CHCHD6: variants seen among roughly 807,000 people sequenced by gnomAD.
CHCHD6 encodes the protein coiled-coil-helix-coiled-coil-helix domain containing 6.
A neutral mutation model predicts 32.3 loss-of-function variants in CHCHD6; 28 were observed. That is an observed-to-expected ratio of 0.87 (90% CI 0.64 to 1.19). The LOEUF is 1.19. CHCHD6 is among the 50% of genes most tolerant of loss of function. The pLI is 0.00. For synonymous variants in CHCHD6, 122 were observed against 117.5 expected (o/e 1.04, Z -0.25); for missense variants, 333 against 307.0 (o/e 1.08, Z -0.63).
At chr3:126,899,105 C>G (rs867346732) in intron 5 of CHCHD6, among the ~76,000 whole-genome samples, 1 of 152,202 alleles carries the variant, frequency 6.6e-6, no homozygotes, top group Non-Finnish European at 1.5e-5. Context: ...GACTGCGTAG[C>G]TCAGGTTTAC....
intron 4 of CHCHD6, among the ~76,000 whole-genome samples, chr3:126,758,201 T>C (rs574886279): frequency 6.6e-6 from 1 of 152,368 alleles, no homozygotes; most frequent in South Asian, 2.1e-4. Context: ...TTCTGGTGTA[T>C]TGACAATCTT....
At chr3:126,858,301 C>CG (rs1941733103) in intron 5 of CHCHD6, among the ~76,000 whole-genome samples, 2 of 956 alleles carry the variant, frequency 2.1e-3, no homozygotes, top group Non-Finnish European at 4.8e-3. Flanking sequence ...GTGGCAGGGG[C>CG]GGGGGCGGGG....
chr3:126,732,928 G>A (rs1393023514), intron 3 of CHCHD6, 150 bp from the exon 4 acceptor site: 9 of 736,862 alleles, frequency 1.2e-5, no homozygotes, highest in Admixed American at 5.2e-5. Context: ...TGGGGCATGC[G>A]GTTTCACAGC....
chr3:126,861,480 G>A (rs2107557367), intron 5 of CHCHD6, among the ~76,000 whole-genome samples: 1 of 151,790 alleles, frequency 6.6e-6, no homozygotes, highest in East Asian at 1.9e-4. Context: ...CTTCATAAAA[G>A]ATTTCCATTC....
At chr3:126,714,373 C>T (rs556062457) in intron 1 of CHCHD6, among the ~76,000 whole-genome samples, 19 of 152,224 alleles carry the variant, frequency 1.2e-4, no homozygotes, top group African/African-American at 4.1e-4. Context: ...AGGAGGTCTC[C>T]GAGGGCTCTT....
chr3:126,934,283 A>C (rs2078446032), intron 6 of CHCHD6, among the ~76,000 whole-genome samples: 1 of 152,190 alleles, frequency 6.6e-6, no homozygotes, highest in South Asian at 2.1e-4. Flanking sequence ...TGCCTTCCAG[A>C]CTTTTCTATG....
chr3:126,838,442 C>T (rs1446174101), intron 4 of CHCHD6, among the ~76,000 whole-genome samples: 1 of 152,170 alleles, frequency 6.6e-6, no homozygotes, highest in Non-Finnish European at 1.5e-5. Flanking sequence ...GTCAACAATG[C>T]CTGTTCAGCT....
rs1487968327 is a variant in CHCHD6 at position 126,720,401 on chromosome 3, C to T, written c.88-6677C>T. Among the ~76,000 whole-genome samples the T allele has an allele frequency of 6.2e-4, 94 of 152,312 alleles. 1 individual carries two copies. The highest frequency in any genetic ancestry group is 6.1e-3 in the Admixed American group (94 of 15,302). ...ACCGGGGCTTCTAGTCCCTCAGGGG[C>T]CTGGTGCATTCCCACAGGGTCCACT... On this transcript the variant is annotated intron_variant, in intron 1 of 7. Transcript: ENST00000290913.
rs1000961618 is a variant in CHCHD6, at chr3:126,745,809, T to A, written c.411+12587T>A. On this transcript the variant is annotated intron_variant, in intron 4 of 7. Coordinates refer to ENST00000290913, the MANE Select transcript of CHCHD6 (RefSeq NM_032343.3). The stretch of plus-strand genomic sequence containing the variant: ...GTGCTTGGAGAGGAGATACAGCTAT[T>A]CAGGGCTGCTGTCTCTGGGCTTGCA... Among the ~76,000 whole-genome samples the A allele has an allele frequency of 2.0e-5, 3 of 152,328 alleles. 1 individual carries two copies.
chr3:126,914,852 C>T (rs2078146928), intron 6 of CHCHD6, 102 bp downstream of exon 6: 3 of 720,094 alleles, frequency 4.2e-6, no homozygotes, highest in Non-Finnish European at 7.6e-6. Flanking sequence ...TCAAGTTTCC[C>T]TAATAATACA....
At position 126,890,364 on chromosome 3, in the gene CHCHD6, A is replaced by G. The variant is rs137854972; in HGVS notation, c.496-24316A>G. 6.1e-3 allele frequency among the ~76,000 whole-genome samples: 933 copies of G among 152,266 alleles called. 9 individuals carry two copies. Among genetic ancestry groups the G allele is most frequent in the African/African-American group, 0.021 (892 of 41,548 alleles). On this transcript the variant is annotated intron_variant, in intron 5 of 7. Transcript: ENST00000290913. ...TCCCTCAAGGCTCGGTGACACAGGC[A>G]CACAAGGTCCCTTGGTTTTCGCTTG...
At chr3:126,814,312 A>C (rs1350942437) in intron 4 of CHCHD6, among the ~76,000 whole-genome samples, 1 of 152,196 alleles carries the variant, frequency 6.6e-6, no homozygotes, top group Admixed American at 6.5e-5. Flanking sequence ...TGAATATGAT[A>C]TTTTGAAATA....
intron 6 of CHCHD6, among the ~76,000 whole-genome samples, chr3:126,955,988 G>A (rs997438020): frequency 6.6e-5 from 10 of 152,186 alleles, no homozygotes; most frequent in Non-Finnish European, 1.0e-4. Flanking sequence ...GTGTCCACCC[G>A]CAGACTTCCA....
At chr3:126,819,720 A>C (rs1325165934) in intron 4 of CHCHD6, among the ~76,000 whole-genome samples, 1 of 152,238 alleles carries the variant, frequency 6.6e-6, no homozygotes, top group Non-Finnish European at 1.5e-5. Context: ...GTCTGGCTGC[A>C]TGTCAGCATT....
intron 4 of CHCHD6, among the ~76,000 whole-genome samples, chr3:126,782,269 T>C (rs929386157): frequency 4.6e-5 from 7 of 152,222 alleles, no homozygotes; most frequent in Non-Finnish European, 8.8e-5. Flanking sequence ...TGTGCTCTGT[T>C]CTTACTCTTG....
chr3:126,918,410 G>A (rs898246712), intron 6 of CHCHD6, among the ~76,000 whole-genome samples: 1 of 152,164 alleles, frequency 6.6e-6, no homozygotes, highest in Non-Finnish European at 1.5e-5. Context: ...CTAGGCCCTG[G>A]GGACACAGTG....
intron 4 of CHCHD6, among the ~76,000 whole-genome samples, chr3:126,776,667 T>C (rs1488421564): frequency 6.6e-6 from 1 of 152,232 alleles, no homozygotes; most frequent in South Asian, 2.1e-4. Flanking sequence ...ATATAATCAT[T>C]TAATTCTCAT....
intron 6 of CHCHD6, among the ~76,000 whole-genome samples, chr3:126,952,478 G>A (rs561516039): frequency 1.7e-4 from 26 of 152,338 alleles, no homozygotes; most frequent in Admixed American, 3.9e-4. Flanking sequence ...GGCCACAGGT[G>A]GAGCTCGCAC....
rs1038602750 is a variant in CHCHD6, at chr3:126,928,828, G to A, written c.566+14078G>A. Reference sequence around the variant, plus strand: ...TGGCATCCCTGAAACTGCAGGCCCCGTAGCTGGATGGACCCTCAGAGTCAT... The same window carrying A: ...TGGCATCCCTGAAACTGCAGGCCCCATAGCTGGATGGACCCTCAGAGTCAT... On this transcript the variant is annotated intron_variant, in intron 6 of 7. Transcript: ENST00000290913. Among the ~76,000 whole-genome samples, 15 of 152,268 alleles carry A rather than the reference G, an allele frequency of 9.9e-5. 1 individual carries two copies. Among genetic ancestry groups the A allele is most frequent in the South Asian group, 2.1e-4 (1 of 4,816 alleles).
Sources: gnomAD v4.1 joint callset for allele counts (sites outside exome capture counted in the v4.1 genomes callset) on GRCh38, gnomAD v4.1.1 for gene constraint, MANE v1.5 for transcripts, NCBI Gene and HGNC (gene_info 2026-07-23, HGNC 2026-07-21) for gene names.